Variants in CPB1 observed in about 807,000 individuals in gnomAD.
CPB1 encodes the protein carboxypeptidase B1.
Under a neutral mutation model 51.4 loss-of-function variants are expected in CPB1, and 53 were observed. The observed-to-expected ratio is 1.03, with a 90% CI of 0.83 to 1.30. The LOEUF (loss-of-function observed/expected upper bound fraction) is 1.30, where lower values mean the gene tolerates loss of function less well. Among genes scored for constraint, CPB1 ranks in the 50% most tolerant of loss-of-function variants. The pLI, the probability that CPB1 is intolerant of heterozygous loss-of-function variation, is 0.00. For synonymous variants in CPB1, 189 were observed against 186.9 expected (o/e 1.01, Z -0.09); for missense variants, 494 against 516.2 (o/e 0.96, Z 0.42).
chr3:148,853,619 G>T (rs1177438600), intron 9 of CPB1, among the ~76,000 whole-genome samples: 1 of 152,170 alleles, frequency 6.6e-6, no homozygotes, highest in Non-Finnish European at 1.5e-5. Context: ...GACCATGTTT[G>T]GCCTTGACTG....
chr3:148,840,472 G>A (rs1185847017), intron 3 of CPB1, among the ~76,000 whole-genome samples: 2 of 152,142 alleles, frequency 1.3e-5, no homozygotes, highest in Non-Finnish European at 2.9e-5. Flanking sequence ...GCATTCTCCA[G>A]TATCCTTCTT....
At chr3:148,847,464 G>A (rs976936043) in intron 9 of CPB1, among the ~76,000 whole-genome samples, 2 of 149,816 alleles carry the variant, frequency 1.3e-5, no homozygotes, top group Admixed American at 6.6e-5. Context: ...ATTTTCTCCA[G>A]TAAAAGAACC....
rs1364486523 is a variant in CPB1 at position 148,846,797 on chromosome 3, G to GTGTATGTA, written c.981+1172_981+1173insGTATGTAT. 4.4e-3 allele frequency among the ~76,000 whole-genome samples: 224 copies of GTGTATGTA among 50,470 alleles called. 1 individual carries two copies. Among genetic ancestry groups the GTGTATGTA allele is most frequent in the African/African-American group, 5.4e-3 (96 of 17,756 alleles). The allele number at this position is 50,470 out of a possible 152,430, so 33.1% of individuals were successfully genotyped here. On this transcript the variant is annotated intron_variant, in intron 9 of 10. Coordinates refer to ENST00000282957, the MANE Select transcript of CPB1 (RefSeq NM_001871.3). Reference sequence around the variant, plus strand: ...CACATATATATGTGTGTGTGCGTGTGTATATATATATATATATATATATAT... The same window carrying GTGTATGTA: ...CACATATATATGTGTGTGTGCGTGTGTGTATGTATATATATATATATATATATATATAT...
intron 3 of CPB1, among the ~76,000 whole-genome samples, chr3:148,835,826 G>A (rs1048459800): frequency 6.6e-6 from 1 of 152,156 alleles, no homozygotes; most frequent in Admixed American, 6.5e-5. Context: ...AAATGTAAAA[G>A]AATAGTATCT....
chr3:148,828,187 C>A, intron 2 of CPB1, 110 bp downstream of exon 2: 1 of 905,736 alleles, frequency 1.1e-6, no homozygotes, highest in Non-Finnish European at 1.7e-6. Flanking sequence ...ATTTTGGTAG[C>A]AAGAAATAAA....
chr3:148,829,685 A>G (rs1712675003), intron 2 of CPB1, among the ~76,000 whole-genome samples: 2 of 152,210 alleles, frequency 1.3e-5, no homozygotes, highest in South Asian at 4.1e-4. Flanking sequence ...AAGTTTGATA[A>G]TCATGTCTTT....
chr3:148,846,795 G>GTGTGTGTGTA (rs1371825496), intron 9 of CPB1, among the ~76,000 whole-genome samples: 1 of 40,486 alleles, frequency 2.5e-5, no homozygotes, highest in Non-Finnish European at 5.2e-5. Flanking sequence ...GTGTGTGCGT[G>GTGTGTGTGTA]TGTATATATA....
Position 148,840,686 on chromosome 3 carries a change from G to A in CPB1, c.273G>A (p.Lys91=). 1 of 1,614,072 alleles carries A rather than the reference G, an allele frequency of 6.2e-7. No individual in the cohort carries two copies. Among genetic ancestry groups the A allele is most frequent in the Non-Finnish European group, 8.5e-7 (1 of 1,179,950 alleles). The part of the protein sequence containing the change: ...NVLKQNELQY[K]VLISNLRNVV... ...GAACACCCACTTTGGTTCGTTGCAGGGTACTGATAAGCAACCTGAGAAATG... is the reference window on the plus strand; with the variant it reads ...GAACACCCACTTTGGTTCGTTGCAGAGTACTGATAAGCAACCTGAGAAATG... Residue 91 remains lysine (K), a splice_region_variant and synonymous_variant, in exon 4 of 11, where the codon AAG becomes AAA. Coordinates refer to ENST00000282957, the MANE Select transcript of CPB1 (RefSeq NM_001871.3).
intron 2 of CPB1, among the ~76,000 whole-genome samples, chr3:148,828,512 T>A (rs893281393): frequency 2.0e-5 from 3 of 152,210 alleles, no homozygotes; most frequent in African/African-American, 7.2e-5. Flanking sequence ...CAGCTTGGGT[T>A]TTCATGACCT....
chr3:148,828,509 G>A (rs528379026), intron 2 of CPB1, among the ~76,000 whole-genome samples: 2 of 152,224 alleles, frequency 1.3e-5, no homozygotes, highest in East Asian at 1.9e-4. Context: ...AAACAGCTTG[G>A]GTTTTCATGA....
chr3:148,851,334 C>CAAAAAAAAAAAAAAAAAAA (rs59423779), intron 9 of CPB1: 3 of 82,082 alleles, frequency 3.7e-5, no homozygotes, highest in Admixed American at 1.6e-4. Flanking sequence ...GACCCTGTCT[C>CAAAAAAAAAAAAAAAAAAA]AAAAAAAAAA....
intron 3 of CPB1, among the ~76,000 whole-genome samples, chr3:148,837,595 T>C (rs182440121): frequency 1.1e-3 from 169 of 152,178 alleles, no homozygotes; most frequent in African/African-American, 3.9e-3. Flanking sequence ...TTTAATCTTC[T>C]AGAATGGAAG....
chr3:148,839,088 T>G (rs980008649), intron 3 of CPB1, among the ~76,000 whole-genome samples: 3 of 152,218 alleles, frequency 2.0e-5, no homozygotes, highest in Non-Finnish European at 4.4e-5. Context: ...ATAGGGAGAT[T>G]ATTCTGGATT....
chr3:148,846,777 A>ATGTG (rs1559960122), intron 9 of CPB1, among the ~76,000 whole-genome samples: 1 of 63,566 alleles, frequency 1.6e-5, no homozygotes, highest in African/African-American at 6.2e-5. Flanking sequence ...ATATACACAT[A>ATGTG]TATATGTGTG....
chr3:148,859,924 C>T lies in CPB1; in HGVS notation c.1176C>T (p.Ser392=), dbSNP rs1394884086. 1 of 1,614,156 alleles carries T rather than the reference C, an allele frequency of 6.2e-7. No homozygotes were observed. Among genetic ancestry groups the T allele is most frequent in the South Asian group, 1.1e-5 (1 of 91,078 alleles). ...TGRYGFLLPE[S]QIRATCEETF... The stretch of plus-strand genomic sequence containing the variant: ...GATATGGCTTTCTCCTTCCAGAATC[C>T]CAGATCCGGGCTACCTGCGAGGAGA... Residue 392 remains serine (S), a synonymous_variant, in exon 11 of 11, where the codon TCC becomes TCT. Transcript: ENST00000282957.
intron 2 of CPB1, among the ~76,000 whole-genome samples, chr3:148,831,169 T>C (rs1712722712): frequency 6.6e-6 from 1 of 152,198 alleles, no homozygotes; most frequent in Non-Finnish European, 1.5e-5. Context: ...GGGTTGTGCT[T>C]GTTCCTTTAT....
intron 9 of CPB1, among the ~76,000 whole-genome samples, chr3:148,846,774 C>G (rs375463732): frequency 2.0e-5 from 1 of 48,978 alleles, no homozygotes; most frequent in Non-Finnish European, 4.1e-5. Flanking sequence ...TATATATACA[C>G]ATATATATGT....
intron 2 of CPB1, among the ~76,000 whole-genome samples, chr3:148,832,286 A>C (rs1369072577): frequency 6.6e-6 from 1 of 152,164 alleles, no homozygotes; most frequent in African/African-American, 2.4e-5. Flanking sequence ...GACAATTTTC[A>C]GTTTAATATT....
At chr3:148,827,980 C>G (rs1427259969) in intron 1 of CPB1, 22 bp from the exon 2 acceptor site, 7 of 1,610,702 alleles carry the variant, frequency 4.3e-6, no homozygotes, top group Non-Finnish European at 5.9e-6. Flanking sequence ...ATTCTCTGTG[C>G]TTCTATTATC....
Sources: allele counts gnomAD v4.1 joint callset (sites outside exome capture counted in the v4.1 genomes callset), GRCh38; gene constraint gnomAD v4.1.1; transcripts MANE v1.5; gene names NCBI Gene and HGNC (gene_info 2026-07-23, HGNC 2026-07-21).